ASTN2: variants seen among roughly 807,000 people sequenced by gnomAD.
ASTN2 encodes the protein astrotactin-2.
Under a neutral mutation model 139.8 loss-of-function variants are expected in ASTN2, and 54 were observed. The observed-to-expected ratio is 0.39, with a 90% CI of 0.31 to 0.48. The LOEUF (loss-of-function observed/expected upper bound fraction) is 0.48, where lower values mean the gene tolerates loss of function less well. ASTN2 is among the 20% of genes least tolerant of loss of function. ASTN2 has a pLI of 0.95. For missense variants in ASTN2, 1,565 were observed against 1,725.1 expected, an observed-to-expected ratio of 0.91 and a Z score of 1.64; for synonymous variants, 756 against 719.5, an observed-to-expected ratio of 1.05 and a Z score of -0.81.
rs376105054 is a variant in ASTN2 at position 116,836,974 on chromosome 9, AC to A, written c.2041-16192del. 3.3e-4 allele frequency among the ~76,000 whole-genome samples: 50 copies of A among 152,192 alleles called. 1 individual carries two copies. In the East Asian group the frequency reaches 8.5e-3, roughly 26 times the overall value. ...AAATATTTACTATATAATCCTTCATACAAAAAAGTTGAAGACCCGTGACTTC... is the reference window on the plus strand; with the variant it reads ...AAATATTTACTATATAATCCTTCATAAAAAAAGTTGAAGACCCGTGACTTC... On this transcript the variant is annotated intron_variant, in intron 11 of 22. Coordinates refer to ENST00000313400, the MANE Select transcript of ASTN2 (RefSeq NM_001365068.1).
intron 6 of ASTN2, among the ~76,000 whole-genome samples, chr9:117,030,021 A>T (rs12006280): frequency 0.4 from 36,666 of 90,720 alleles, 5,158 homozygotes; most frequent in East Asian, 0.64. Flanking sequence ...TTTTAGATTT[A>T]AAAAAAACGC....
At chr9:117,322,373 G>T (rs1004288826) in intron 1 of ASTN2, among the ~76,000 whole-genome samples, 3 of 152,178 alleles carry the variant, frequency 2.0e-5, no homozygotes, top group Admixed American at 2.0e-4. Flanking sequence ...ATGATCACCT[G>T]CCATGTGTCA....
At chr9:117,253,154 T>A (rs1218275217) in intron 2 of ASTN2, among the ~76,000 whole-genome samples, 1 of 152,180 alleles carries the variant, frequency 6.6e-6, no homozygotes, top group Non-Finnish European at 1.5e-5. Flanking sequence ...CTGAGAGGCA[T>A]GACTGCATCT....
intron 19 of ASTN2, among the ~76,000 whole-genome samples, chr9:116,553,857 TAGAAAACTGC>T (rs1343145112): frequency 1.3e-5 from 2 of 152,360 alleles, no homozygotes; most frequent in East Asian, 3.9e-4. Context: ...ATTGAAGTTT[TAGAAAACTGC>T]TATGGAAGGA....
At chr9:117,181,940 C>A (rs1028668395) in intron 3 of ASTN2, among the ~76,000 whole-genome samples, 1 of 152,170 alleles carries the variant, frequency 6.6e-6, no homozygotes, top group Non-Finnish European at 1.5e-5. Flanking sequence ...AGCATGACTT[C>A]TCTGGCCCAC....
At chr9:117,291,254 GC>G in intron 2 of ASTN2, 71 bp downstream of exon 2, 1 of 1,484,516 alleles carries the variant, frequency 6.7e-7, no homozygotes, top group Non-Finnish European at 9.2e-7. Flanking sequence ...ACAATCCCCC[GC>G]CCCCTCCATC....
intron 1 of ASTN2, among the ~76,000 whole-genome samples, chr9:117,410,130 A>G (rs1831121206): frequency 1.3e-5 from 2 of 152,240 alleles, no homozygotes; most frequent in South Asian, 2.1e-4. Flanking sequence ...AAAAATGTTG[A>G]CAATGAGTGC....
chr9:117,385,646 T>C (rs1830376663), intron 1 of ASTN2, among the ~76,000 whole-genome samples: 1 of 151,988 alleles, frequency 6.6e-6, no homozygotes, highest in South Asian at 2.1e-4. Flanking sequence ...GTAAGGACTG[T>C]TCAGCTCAAG....
intron 10 of ASTN2, among the ~76,000 whole-genome samples, chr9:116,930,869 G>A (rs1834877178): frequency 6.6e-6 from 1 of 151,548 alleles, no homozygotes; most frequent in Non-Finnish European, 1.5e-5. Flanking sequence ...ATTGCTTCCT[G>A]AGGCTCATGG....
chr9:117,158,491 CT>C (rs1467163110), intron 3 of ASTN2, among the ~76,000 whole-genome samples: 2 of 152,064 alleles, frequency 1.3e-5, no homozygotes, highest in African/African-American at 4.8e-5. Context: ...AGACGGATGA[CT>C]TGTCATTGAT....
At chr9:116,536,138 C>A (rs982052335) in intron 19 of ASTN2, among the ~76,000 whole-genome samples, 2 of 151,876 alleles carry the variant, frequency 1.3e-5, no homozygotes, top group Non-Finnish European at 2.9e-5. Context: ...TTTCTTCCAG[C>A]TGATCAAATC....
At chr9:116,728,551 A>G (rs1828694750) in intron 15 of ASTN2, among the ~76,000 whole-genome samples, 1 of 152,164 alleles carries the variant, frequency 6.6e-6, no homozygotes, top group Non-Finnish European at 1.5e-5. Flanking sequence ...TGGGGGTTAT[A>G]TAAGATTTTT....
intron 16 of ASTN2, among the ~76,000 whole-genome samples, chr9:116,672,128 C>T (rs1413907656): frequency 6.6e-6 from 1 of 152,074 alleles, no homozygotes; most frequent in Non-Finnish European, 1.5e-5. Flanking sequence ...AATCCTAGCA[C>T]TTTGGGAGGC....
intron 1 of ASTN2, among the ~76,000 whole-genome samples, chr9:117,324,359 T>A (rs1828442098): frequency 6.6e-6 from 1 of 152,336 alleles, no homozygotes; most frequent in East Asian, 1.9e-4. Flanking sequence ...GAGGTTTAAT[T>A]GGTTCACAGT....
chr9:116,599,872 C>T (rs554788270), intron 19 of ASTN2, among the ~76,000 whole-genome samples: 4 of 152,292 alleles, frequency 2.6e-5, no homozygotes, highest in East Asian at 3.9e-4. Context: ...TCTCTCTTCA[C>T]CCTCAGGCTA....
intron 2 of ASTN2, among the ~76,000 whole-genome samples, chr9:117,229,654 G>A (rs1205152184): frequency 1.3e-5 from 2 of 152,152 alleles, no homozygotes; most frequent in African/African-American, 4.8e-5. Context: ...TAATTCCACA[G>A]CTACTGAAAT....
intron 2 of ASTN2, among the ~76,000 whole-genome samples, chr9:117,241,243 T>G (rs1360708391): frequency 1.3e-5 from 2 of 152,200 alleles, no homozygotes; most frequent in African/African-American, 4.8e-5. Context: ...TGGATTAGTT[T>G]GGGTTCATTT....
At chr9:116,458,683 CT>C (rs1285635722) in intron 20 of ASTN2, among the ~76,000 whole-genome samples, 1 of 151,686 alleles carries the variant, frequency 6.6e-6, no homozygotes. Flanking sequence ...AAAAAAAACA[CT>C]TAGGAATAAA....
chr9:116,472,594 A>G (rs1848845586), intron 20 of ASTN2, among the ~76,000 whole-genome samples: 1 of 152,128 alleles, frequency 6.6e-6, no homozygotes, highest in Admixed American at 6.6e-5. Context: ...TTTTGGAGCT[A>G]GATAGCTTGT....
Sources: allele counts gnomAD v4.1 joint callset (sites outside exome capture counted in the v4.1 genomes callset), GRCh38; gene constraint gnomAD v4.1.1; transcripts MANE v1.5; gene names NCBI Gene and HGNC (gene_info 2026-07-23, HGNC 2026-07-21).